The following USP6 variants were observed in gnomAD, a reference collection of about 807,000 sequenced individuals.
The protein encoded by USP6 is ubiquitin carboxyl-terminal hydrolase 6.
Under a neutral mutation model 175.7 loss-of-function variants are expected in USP6, and 128 were observed. That is an observed-to-expected ratio of 0.73 (90% confidence interval 0.63 to 0.84). USP6 has a LOEUF of 0.84. USP6 is among the 40% of genes least tolerant of loss of function. USP6 has a pLI of 0.00. For synonymous variants in USP6, 562 were observed against 630.6 expected (o/e 0.89, Z 1.63); for missense variants, 1,498 against 1,760.3 (o/e 0.85, Z 2.67).
intron 16 of USP6, 43 bp from the exon 17 acceptor site, chr17:5,135,765 C>T (rs761376156): frequency 8.8e-6 from 14 of 1,597,136 alleles, no homozygotes; most frequent in Non-Finnish European, 9.3e-6. Context: ...TGACCTCAGC[C>T]CTCCCAGGTG....
At position 5,142,045 on chromosome 17, in the gene USP6, A is replaced by C; in HGVS notation, c.1616A>C (p.Asn539Thr). Residue 539 changes from asparagine to threonine, a missense_variant, in exon 24 of 38, where the codon AAC (asparagine) becomes ACC (threonine). Transcript: ENST00000574788. ...GCCACAGGTCTAAGCAACCTGGGAA[A>C]CACATGCTTCATGAACTCAAGCATC... ...KGATGLSNLG[N>T]TCFMNSSIQC... is the part of the protein sequence containing the mutation. The C allele has an allele frequency of 6.2e-7, 1 of 1,613,890 alleles. No homozygotes were observed. The highest frequency in any genetic ancestry group is 8.5e-7 in the Non-Finnish European group (1 of 1,179,842).
intron 29 of USP6, among the ~76,000 whole-genome samples, chr17:5,147,489 C>T (rs1197023436): frequency 4.6e-5 from 7 of 152,066 alleles, no homozygotes; most frequent in South Asian, 2.1e-4. Flanking sequence ...GAACATACTA[C>T]CAGAAAATAT....
chr17:5,153,387 A>G (rs1439268561), intron 30 of USP6, among the ~76,000 whole-genome samples: 1 of 151,992 alleles, frequency 6.6e-6, no homozygotes, highest in Non-Finnish European at 1.5e-5. Context: ...CCTGTGTTCA[A>G]GTGATTCTCC....
rs1317855717 is a variant in USP6 at position 5,118,288 on chromosome 17, C to G, written c.-1839C>G. On this transcript the variant is annotated splice_region_variant and 5_prime_UTR_variant, in exon 2 of 38. Coordinates refer to ENST00000574788, the MANE Select transcript of USP6 (RefSeq NM_001304284.2). Reference sequence around the variant, plus strand: ...GTGCTCAACCTCTTGCAGGAGTGTGCAGGTGAGTGAGCAAGTGCAGGATCT... The same window carrying G: ...GTGCTCAACCTCTTGCAGGAGTGTGGAGGTGAGTGAGCAAGTGCAGGATCT... 1 of 152,584 alleles carries G rather than the reference C, an allele frequency of 6.6e-6. No homozygotes were observed. Among genetic ancestry groups the G allele is most frequent in the Non-Finnish European group, 1.5e-5 (1 of 68,256 alleles). 9.5% of individuals were successfully genotyped at this position (152,584 alleles called of 1,614,324 possible). A position where few individuals can be genotyped will look rare whatever the true frequency, so the allele number is the denominator to read the frequency against.
At chr17:5,124,307 C>A (rs1283808410) in intron 4 of USP6, among the ~76,000 whole-genome samples, 1 of 152,196 alleles carries the variant, frequency 6.6e-6, no homozygotes, top group African/African-American at 2.4e-5. Context: ...TACCACCCCC[C>A]ACCCAACCAC....
chr17:5,169,593 C>T (rs575242373), intron 35 of USP6, among the ~76,000 whole-genome samples: 2 of 152,186 alleles, frequency 1.3e-5, no homozygotes, highest in East Asian at 1.9e-4. Context: ...AGGCATGCAC[C>T]ACTGCACCTG....
intron 31 of USP6, among the ~76,000 whole-genome samples, chr17:5,157,109 G>A (rs1253612012): frequency 2.7e-5 from 4 of 149,758 alleles, no homozygotes; most frequent in Non-Finnish European, 5.9e-5. Flanking sequence ...TTTTTGAGAC[G>A]GAGTCTCGCT....
At chr17:5,146,948 G>A in intron 28 of USP6, 135 bp from the exon 29 acceptor site, 1 of 915,252 alleles carries the variant, frequency 1.1e-6, no homozygotes, top group Non-Finnish European at 1.6e-6. Context: ...TTATGTAGTT[G>A]AAAAATTATT....
intron 31 of USP6, among the ~76,000 whole-genome samples, chr17:5,157,178 C>T (rs1306394617): frequency 1.3e-5 from 2 of 152,114 alleles, no homozygotes; most frequent in Non-Finnish European, 2.9e-5. Flanking sequence ...CTCCACCTCC[C>T]GGGTTCAAGT....
rs2073440034 is a variant in USP6, at chr17:5,141,342, C to CT, written c.1499-80dup. ...AACTTCCGATTTAGGAATAAGATGT[C>CT]TTTAAAAAAAAAAAACAGAAGCAAT... On this transcript the variant is annotated intron_variant, in intron 22 of 37. Coordinates refer to ENST00000574788, the MANE Select transcript of USP6 (RefSeq NM_001304284.2). 5 of 1,254,036 alleles carry CT rather than the reference C, an allele frequency of 4.0e-6. No individual in the cohort carries two copies. In the South Asian group the frequency reaches 5.5e-5, roughly 14 times the overall value. The allele number at this position is 1,254,036 out of a possible 1,614,324, so 77.7% of individuals were successfully genotyped here.
In USP6 at chr17:5,171,656, T is replaced by C; in HGVS notation, c.4024T>C (p.Cys1342Arg). 6.2e-7 allele frequency: 1 copy of C among 1,613,892 alleles called. No homozygotes were observed. ...YAKNPNCKWY[C>R]YNDSSCEELH... ...CAAAAACCCAAACTGCAAGTGGTAC[T>C]GTTATAATGACAGCAGCTGTGAGGT... Residue 1342 changes from cysteine (C) to arginine (R), a missense_variant, in exon 37 of 38, where the codon TGT becomes CGT. Around this residue, in one of 2 missense-constraint regions of USP6, gnomAD observed 1,217 missense variants for 1,500.8 expected, o/e 0.81. Transcript: ENST00000574788.
chr17:5,158,910 A>G (rs889949560), intron 31 of USP6, among the ~76,000 whole-genome samples: 5 of 152,190 alleles, frequency 3.3e-5, no homozygotes, highest in African/African-American at 7.2e-5. Flanking sequence ...GTAGCCAGGC[A>G]TGGTAGCTCT....
At chr17:5,148,295 T>C (rs1324607015) in intron 29 of USP6, among the ~76,000 whole-genome samples, 1 of 152,252 alleles carries the variant, frequency 6.6e-6, no homozygotes, top group Non-Finnish European at 1.5e-5. Flanking sequence ...TACAACATGG[T>C]GCTGATACAG....
intron 2 of USP6, among the ~76,000 whole-genome samples, chr17:5,119,385 G>A (rs748347965): frequency 1.3e-5 from 2 of 152,170 alleles, no homozygotes; most frequent in Non-Finnish European, 2.9e-5. Context: ...TGAATAGGTG[G>A]GCTTTTATTT....
At position 5,116,510 on chromosome 17, in the gene USP6, G is replaced by T. The variant is rs954378537; in HGVS notation, c.-2158G>T. ...AGCCGACGAAAGGGAAAAGGCCAGT[G>T]CCTGTCCGGGAAGAGCTCAGCCTAG... On this transcript the variant is annotated 5_prime_UTR_variant, in exon 1 of 38. Transcript: ENST00000574788. The T allele has an allele frequency of 1.3e-5, 2 of 152,370 alleles. No homozygotes were observed. Among genetic ancestry groups the T allele is most frequent in the South Asian group, 2.1e-4 (1 of 4,834 alleles). 9.4% of individuals were successfully genotyped at this position (152,370 alleles called of 1,614,324 possible).
chr17:5,133,492 T>C lies in USP6; in HGVS notation c.326T>C (p.Val109Ala), dbSNP rs1270411599. ...ATTCCCATGAACATCCGGGGCCCGG[T>C]GTGGTCAGTCCTCCTGAACATTCAG... ...KGIPMNIRGP[V>A]WSVLLNIQEI... The change falls in exon 14 of 38, where the codon GTG becomes GCG. Residue 109 changes from valine (V) to alanine (A), a missense_variant. Val to Ala is a moderately conservative substitution (Grantham distance 64, BLOSUM62 0). Around this residue, in one of 2 missense-constraint regions of USP6, gnomAD observed 281 missense variants for 259.6 expected, o/e 1.08. Transcript: ENST00000574788. 2 of 1,611,594 alleles carry C rather than the reference T, an allele frequency of 1.2e-6. No homozygotes were observed. The highest frequency in any genetic ancestry group is 3.3e-5 in the Admixed American group (2 of 60,010).
intron 29 of USP6, among the ~76,000 whole-genome samples, chr17:5,148,291 A>G (rs1229451007): frequency 6.6e-6 from 1 of 152,238 alleles, no homozygotes; most frequent in Non-Finnish European, 1.5e-5. Flanking sequence ...GTGCTACAAC[A>G]TGGTGCTGAT....
At position 5,142,151 on chromosome 17, in the gene USP6, C is replaced by G. The variant is rs377577497; in HGVS notation, c.1712+10C>G. On this transcript the variant is annotated intron_variant, in intron 24 of 37. Transcript: ENST00000574788. ...TTTATGAACTCAACAGGTAAACTTT[C>G]TTGAGTCACTGGCCTCTTAACCTGT... 8.6e-5 allele frequency: 139 copies of G among 1,608,886 alleles called. 1 individual carries two copies. The highest frequency in any genetic ancestry group is 4.9e-4 in the Middle Eastern group (3 of 6,062).
chr17:5,168,565 G>A (rs567429696), intron 34 of USP6, among the ~76,000 whole-genome samples: 7 of 152,372 alleles, frequency 4.6e-5, no homozygotes, highest in East Asian at 1.9e-4. Flanking sequence ...AGTTGAGCGC[G>A]TGTGCACAAG....
Sources: allele counts gnomAD v4.1 joint callset (sites outside exome capture counted in the v4.1 genomes callset), GRCh38; gene constraint gnomAD v4.1.1; regional missense constraint gnomAD v4.1.1; transcripts MANE v1.5; gene names NCBI Gene and HGNC (gene_info 2026-07-23, HGNC 2026-07-21).